The following WNT9B variants were observed in gnomAD, a reference collection of about 807,000 sequenced individuals.
WNT9B encodes the protein Wnt family member 9B.
WNT9B carries 12 observed loss-of-function variants against 30.2 expected under a neutral mutation model. The observed-to-expected ratio is 0.40, with a 90% CI of 0.26 to 0.64. The LOEUF (loss-of-function observed/expected upper bound fraction) is 0.64. WNT9B is among the 30% of genes least tolerant of loss of function. WNT9B has a pLI of 0.42. For missense variants in WNT9B, 442 were observed against 485.2 expected (o/e 0.91, Z 0.84); for synonymous variants, 218 against 216.9 (o/e 1.01, Z -0.05).
At chr17:46,850,866 T>C (rs537172575), upstream of WNT9B, among the ~76,000 whole-genome samples, 327 of 152,200 alleles carry the variant, frequency 2.1e-3, 1 homozygote, top group Admixed American at 3.1e-3. Flanking sequence ...TCTGCCCCAC[T>C]GTCCACTTTG....
At chr17:46,833,345 C>T (rs780279063) in exon 1 of WNT9B, 3 of 518,110 alleles carry the variant, frequency 5.8e-6, no homozygotes, top group South Asian at 2.8e-5. Context: ...GTATCAATTG[C>T]ATGAAAGGAC....
At chr17:46,855,826 G>A (rs1341375363) in intron 1 of WNT9B, among the ~76,000 whole-genome samples, 1 of 152,062 alleles carries the variant, frequency 6.6e-6, no homozygotes, top group Non-Finnish European at 1.5e-5. Flanking sequence ...AGCTTCCCCA[G>A]TAGCTGAGAT....
At chr17:46,839,691 C>G (rs8082171) in intron 1 of WNT9B, among the ~76,000 whole-genome samples, 25,385 of 152,076 alleles carry the variant, frequency 0.17, 2,429 homozygotes, top group East Asian at 0.38. Flanking sequence ...CAGTCCCCCC[C>G]GCCAAGAGGC....
Position 46,869,975 on chromosome 17 carries a change from G to A in WNT9B, c.78-2542G>A, listed in dbSNP as rs184418314. Among the ~76,000 whole-genome samples the A allele has an allele frequency of 1.3e-3, 200 of 151,758 alleles. 4 individuals carry two copies. The Middle Eastern group carries it at 0.017, about 13-fold the overall frequency. On this transcript the variant is annotated intron_variant, in intron 1 of 3. Transcript: ENST00000290015. Reference sequence around the variant, plus strand: ...GATCACACCACTGCACTCTAGCCTGGACCACATAGCAAGACTGTCTCAAAA... The same window carrying A: ...GATCACACCACTGCACTCTAGCCTGAACCACATAGCAAGACTGTCTCAAAA...
intron 1 of WNT9B, among the ~76,000 whole-genome samples, chr17:46,838,972 G>A (rs1431350149): frequency 6.6e-6 from 1 of 152,016 alleles, no homozygotes; most frequent in African/African-American, 2.4e-5. Context: ...CTTCCTCCCG[G>A]GTTCAAGCCA....
chr17:46,836,215 C>G (rs1438163119), intron 1 of WNT9B, among the ~76,000 whole-genome samples: 1 of 151,768 alleles, frequency 6.6e-6, no homozygotes, highest in African/African-American at 2.4e-5. Flanking sequence ...ACCCTTACCC[C>G]CTTTCCAAGG....
rs1754567434 is a variant in WNT9B at position 46,877,817 on chromosome 17, T to C, written c.*1099T>C. On this transcript the variant is annotated 3_prime_UTR_variant, in exon 4 of 4. Transcript: ENST00000290015. Reference sequence around the variant, plus strand: ...TGTGGCTGCTCATCTAGTTAAGGCTTTTGCCCTGGCTGGGGTTATAGGTGC... The same window carrying C: ...TGTGGCTGCTCATCTAGTTAAGGCTCTTGCCCTGGCTGGGGTTATAGGTGC... Among the ~76,000 whole-genome samples, 1 of 152,188 alleles carries C rather than the reference T, an allele frequency of 6.6e-6. No individual in the cohort carries two copies. The highest frequency in any genetic ancestry group is 1.5e-5 in the Non-Finnish European group (1 of 68,032).
chr17:46,833,484 C>G (rs368693621), intron 1 of WNT9B: 23 of 476,486 alleles, frequency 4.8e-5, no homozygotes, highest in African/African-American at 4.5e-4. Flanking sequence ...CCCCGACTCC[C>G]CATCTGGTCA....
At chr17:46,843,158 T>G (rs2084735570) in intron 1 of WNT9B, among the ~76,000 whole-genome samples, 1 of 152,184 alleles carries the variant, frequency 6.6e-6, no homozygotes, top group South Asian at 2.1e-4. Flanking sequence ...GGGTAGATAT[T>G]AATATCGGAG....
chr17:46,841,854 T>C (rs975805186), intron 1 of WNT9B, among the ~76,000 whole-genome samples: 3 of 152,152 alleles, frequency 2.0e-5, no homozygotes, highest in African/African-American at 7.2e-5. Flanking sequence ...AGTGAAGGGG[T>C]AGGCCGACCC....
chr17:46,883,484 C>A (rs1198720259), downstream of WNT9B, among the ~76,000 whole-genome samples: 1 of 151,974 alleles, frequency 6.6e-6, no homozygotes, highest in African/African-American at 2.4e-5. Context: ...GGGGTTTCAC[C>A]ATGTTGGCCA....
intron 1 of WNT9B, among the ~76,000 whole-genome samples, chr17:46,836,952 C>CT (rs775810830): frequency 6.6e-6 from 1 of 151,588 alleles, no homozygotes; most frequent in African/African-American, 2.4e-5. Flanking sequence ...TTCTTTTTTT[C>CT]TTTTTTTTGA....
At chr17:46,849,349 T>C (rs1324832785), upstream of WNT9B, among the ~76,000 whole-genome samples, 1 of 152,254 alleles carries the variant, frequency 6.6e-6, no homozygotes, top group Non-Finnish European at 1.5e-5. Flanking sequence ...GTGCCCTGCC[T>C]TCTCCATGCA....
chr17:46,870,431 G>C (rs2085220306), intron 1 of WNT9B, among the ~76,000 whole-genome samples: 1 of 151,608 alleles, frequency 6.6e-6, no homozygotes, highest in Non-Finnish European at 1.5e-5. Context: ...GTGTAGACCT[G>C]GTGGACTGGA....
intron 2 of WNT9B, 47 bp from the exon 3 acceptor site, chr17:46,875,054 C>G (rs748573104): frequency 3.7e-6 from 6 of 1,613,116 alleles, no homozygotes; most frequent in Non-Finnish European, 4.2e-6. Flanking sequence ...CTCCTTTCCT[C>G]TCTTCCCCCT....
intron 1 of WNT9B, among the ~76,000 whole-genome samples, chr17:46,845,355 TG>T (rs2084763531): frequency 6.6e-6 from 1 of 152,058 alleles, no homozygotes; most frequent in African/African-American, 2.4e-5. Flanking sequence ...TCTATGCTCC[TG>T]GAAGTGGTAA....
intron 1 of WNT9B, among the ~76,000 whole-genome samples, chr17:46,863,339 C>T (rs2085075178): frequency 1.3e-5 from 2 of 152,230 alleles, no homozygotes; most frequent in African/African-American, 4.8e-5. Context: ...ATGCAGCCAG[C>T]AGGTGTCTGT....
intron 1 of WNT9B, among the ~76,000 whole-genome samples, chr17:46,858,741 A>T (rs2084981298): frequency 6.6e-6 from 1 of 152,138 alleles, no homozygotes; most frequent in Non-Finnish European, 1.5e-5. Flanking sequence ...ATCACAGCTC[A>T]CTACAGCCTC....
intron 3 of WNT9B, 80 bp downstream of exon 3, chr17:46,875,446 C>A: frequency 1.4e-6 from 2 of 1,456,918 alleles, no homozygotes. Context: ...GAGGCCAGCA[C>A]CCCACTCCCC....
Sources: gnomAD v4.1 joint callset for allele counts (sites outside exome capture counted in the v4.1 genomes callset) on GRCh38, gnomAD v4.1.1 for gene constraint, MANE v1.5 for transcripts, NCBI Gene and HGNC (gene_info 2026-07-23, HGNC 2026-07-21) for gene names.